The following OSBPL10 variants were observed in gnomAD, a reference collection of about 807,000 sequenced individuals.
OSBPL10 encodes the protein oxysterol-binding protein-related protein 10.
A neutral mutation model predicts 81.7 loss-of-function variants in OSBPL10; 49 were observed. The observed-to-expected ratio is 0.60, with a 90% CI of 0.48 to 0.76. OSBPL10 has a LOEUF of 0.76. Ranked by LOEUF, OSBPL10 falls within the 30% of genes least tolerant of loss-of-function variation. The probability of loss-of-function intolerance (pLI) is 0.00; values close to 1 mark genes in which losing one functional copy is unlikely to be tolerated. For synonymous variants in OSBPL10, 419 were observed against 383.6 expected (o/e 1.09, Z -1.08); for missense variants, 923 against 987.8 (o/e 0.93, Z 0.88).
chr3:31,877,972 T>A (rs1410640971), intron 2 of OSBPL10, among the ~76,000 whole-genome samples: 1 of 152,214 alleles, frequency 6.6e-6, no homozygotes, highest in African/African-American at 2.4e-5. Flanking sequence ...ATCCAACTCC[T>A]ACTATGTGCA....
chr3:31,835,025 A>G (rs1226064919), intron 3 of OSBPL10, among the ~76,000 whole-genome samples: 1 of 152,234 alleles, frequency 6.6e-6, no homozygotes, highest in Non-Finnish European at 1.5e-5. Flanking sequence ...TCATTAATAA[A>G]TTAATAAAAT....
intron 1 of OSBPL10, among the ~76,000 whole-genome samples, chr3:31,882,166 T>G (rs962536009): frequency 6.6e-6 from 1 of 152,252 alleles, no homozygotes; most frequent in Non-Finnish European, 1.5e-5. Context: ...AGCACATGAC[T>G]GCCCGGGTGG....
chr3:31,924,475 C>T (rs916107693), intron 1 of OSBPL10, among the ~76,000 whole-genome samples: 4 of 152,104 alleles, frequency 2.6e-5, no homozygotes, highest in Admixed American at 1.3e-4. Flanking sequence ...AGTTCTAGAG[C>T]TTTATCCCTC....
intron 1 of OSBPL10, among the ~76,000 whole-genome samples, chr3:31,956,531 C>G (rs1200050952): frequency 1.3e-5 from 2 of 152,052 alleles, no homozygotes; most frequent in African/African-American, 4.8e-5. Context: ...CCAGCCTGGC[C>G]AACATGGCGA....
At chr3:32,053,924 C>T (rs1352923903) in intron 1 of OSBPL10, among the ~76,000 whole-genome samples, 6 of 152,066 alleles carry the variant, frequency 3.9e-5, no homozygotes, top group Non-Finnish European at 8.8e-5. Context: ...GCCAAGATTG[C>T]ACCACTGCAC....
intron 2 of OSBPL10, among the ~76,000 whole-genome samples, chr3:31,996,819 A>G (rs944279164): frequency 1.1e-4 from 16 of 152,170 alleles, no homozygotes; most frequent in African/African-American, 3.1e-4. Flanking sequence ...AAAACAAAAA[A>G]AACTTGACAA....
rs376767528 is a variant in OSBPL10 at position 31,870,291 on chromosome 3, C to T, written c.537+6142G>A. 4.8e-4 allele frequency among the ~76,000 whole-genome samples: 73 copies of T among 152,344 alleles called. No homozygotes were observed. The East Asian group carries it at 0.013, about 28-fold the overall frequency. On this transcript the variant is annotated intron_variant, in intron 3 of 11. Transcript: ENST00000396556. Reference sequence around the variant, plus strand: ...AGTGGCTGCGGAGGGTGTACTGGGTCCCCCAGCAGTCCCGGCCCACTGGCG... The same window carrying T: ...AGTGGCTGCGGAGGGTGTACTGGGTTCCCCAGCAGTCCCGGCCCACTGGCG...
upstream of OSBPL10, chr3:32,077,597 G>C (rs552021840): frequency 1.3e-5 from 2 of 152,272 alleles, no homozygotes; most frequent in South Asian, 4.1e-4. Flanking sequence ...AGCCTCAGGT[G>C]GGCATGTGGA....
intron 2 of OSBPL10, among the ~76,000 whole-genome samples, chr3:32,010,970 C>A (rs547098247): frequency 4.7e-4 from 72 of 152,346 alleles, no homozygotes; most frequent in African/African-American, 1.7e-3. Context: ...GAGCCCACCG[C>A]AGCTCAAGGA....
At chr3:31,930,814 A>C (rs1229273744) in intron 1 of OSBPL10, among the ~76,000 whole-genome samples, 1 of 151,672 alleles carries the variant, frequency 6.6e-6, no homozygotes, top group Non-Finnish European at 1.5e-5. Flanking sequence ...GGAGATCGAG[A>C]CCATCCTGGC....
chr3:31,857,473 G>A (rs1700940998), intron 3 of OSBPL10, among the ~76,000 whole-genome samples: 1 of 151,940 alleles, frequency 6.6e-6, no homozygotes, highest in Non-Finnish European at 1.5e-5. Context: ...GTGACTGCCT[G>A]ATGGAGAGCA....
intron 4 of OSBPL10, among the ~76,000 whole-genome samples, chr3:31,826,039 G>A (rs911829528): frequency 1.3e-5 from 2 of 152,022 alleles, no homozygotes; most frequent in Non-Finnish European, 2.9e-5. Context: ...TTAATGTCTT[G>A]TATTGAATCT....
intron 6 of OSBPL10, among the ~76,000 whole-genome samples, chr3:31,712,374 G>A (rs1696287720): frequency 6.6e-6 from 1 of 152,200 alleles, no homozygotes; most frequent in South Asian, 2.1e-4. Flanking sequence ...CACTTTAAGT[G>A]ACAAGGGGGC....
intron 2 of OSBPL10, among the ~76,000 whole-genome samples, chr3:32,018,669 G>A (rs929100655): frequency 6.6e-6 from 1 of 152,092 alleles, no homozygotes; most frequent in African/African-American, 2.4e-5. Context: ...TCACACCACT[G>A]CCCTCCAGCC....
At chr3:31,934,658 C>T (rs9846573) in intron 1 of OSBPL10, among the ~76,000 whole-genome samples, 4,713 of 150,788 alleles carry the variant, frequency 0.031, 252 homozygotes, top group African/African-American at 0.11. Flanking sequence ...CCACCCGCCT[C>T]GGCCTCCCAA....
chr3:31,688,279 T>TCACA (rs879415490), intron 7 of OSBPL10, among the ~76,000 whole-genome samples: 800 of 77,782 alleles, frequency 0.01, 10 homozygotes, highest in African/African-American at 0.019. Context: ...TCTCTCTCTC[T>TCACA]CTCTCACACA....
chr3:31,907,172 A>T (rs1268933948), intron 1 of OSBPL10, among the ~76,000 whole-genome samples: 1 of 152,200 alleles, frequency 6.6e-6, no homozygotes, highest in Non-Finnish European at 1.5e-5. Context: ...AGGATCTGCT[A>T]TATGCAAAGG....
At chr3:31,688,943 T>C (rs1700869541) in intron 7 of OSBPL10, among the ~76,000 whole-genome samples, 1 of 152,230 alleles carries the variant, frequency 6.6e-6, no homozygotes, top group South Asian at 2.1e-4. Context: ...AGAATGTGGC[T>C]GGATGACCTC....
intron 2 of OSBPL10, among the ~76,000 whole-genome samples, chr3:32,044,788 T>C (rs1278509576): frequency 2.0e-5 from 3 of 147,288 alleles, no homozygotes; most frequent in South Asian, 4.3e-4. Context: ...AAATAACAGA[T>C]GCCATATACT....
Sources: allele counts gnomAD v4.1 joint callset (sites outside exome capture counted in the v4.1 genomes callset), GRCh38; gene constraint gnomAD v4.1.1; transcripts MANE v1.5; gene names NCBI Gene and HGNC (gene_info 2026-07-23, HGNC 2026-07-21).